The following ZNF43 variants were observed in gnomAD, a reference collection of about 807,000 sequenced individuals.
ZNF43 encodes zinc finger protein 43, also known as zinc finger protein 39-like 1 (KOX 27).
ZNF43 carries 44 observed loss-of-function variants against 68.4 expected under a neutral mutation model. That is an observed-to-expected ratio of 0.64 (90% CI 0.51 to 0.83). The LOEUF is 0.83. Ranked by LOEUF, ZNF43 falls within the 40% of genes least tolerant of loss-of-function variation. The probability of loss-of-function intolerance (pLI) is 0.00; values close to 1 mark genes in which losing one functional copy is unlikely to be tolerated. For synonymous variants in ZNF43, 308 were observed against 307.8 expected (o/e 1.00, Z -0.01); for missense variants, 896 against 933.2 (o/e 0.96, Z 0.52).
At chr19:21,831,074 C>T (rs779648007) in intron 1 of ZNF43, among the ~76,000 whole-genome samples, 4 of 152,128 alleles carry the variant, frequency 2.6e-5, no homozygotes, top group Admixed American at 6.5e-5. Context: ...AAACCCTCAA[C>T]GAACTAGGCA....
At position 21,809,048 on chromosome 19, in the gene ZNF43, G is replaced by GT; in HGVS notation, c.988dup (p.Thr330AsnfsTer2). The stretch of plus-strand genomic sequence containing the variant: ...TCCAGTATGAATTCTCTTATGTTTA[G>GT]TAAGAGTTGAGGGCCAGTTAAAGGC... On this transcript the variant is annotated frameshift_variant, in exon 4 of 4. Transcript: ENST00000354959. LOFTEE classifies it high-confidence loss of function. 1 of 1,613,216 alleles carries GT rather than the reference G, an allele frequency of 6.2e-7. No individual in the cohort carries two copies. Among genetic ancestry groups the GT allele is most frequent in the East Asian group, 2.2e-5 (1 of 44,846 alleles).
At chr19:21,831,311 T>C (rs2038413837) in intron 1 of ZNF43, among the ~76,000 whole-genome samples, 1 of 152,214 alleles carries the variant, frequency 6.6e-6, no homozygotes, top group African/African-American at 2.4e-5. Context: ...GGTAGCATGA[T>C]TCTACACCTA....
At chr19:21,812,039 A>AT (rs760238926) in intron 3 of ZNF43, 2 of 398,504 alleles carry the variant, frequency 5.0e-6, no homozygotes, top group Non-Finnish European at 8.9e-6. Flanking sequence ...AAAACATTCA[A>AT]TAGAGAGACA....
intron 3 of ZNF43, among the ~76,000 whole-genome samples, chr19:21,813,680 A>G (rs1412558958): frequency 2.6e-5 from 4 of 152,176 alleles, no homozygotes; most frequent in Non-Finnish European, 5.9e-5. Flanking sequence ...AGCACTTGTT[A>G]CTTAATGTGT....
At chr19:21,824,945 A>T (rs1002094222) in intron 1 of ZNF43, among the ~76,000 whole-genome samples, 3 of 152,158 alleles carry the variant, frequency 2.0e-5, no homozygotes, top group African/African-American at 7.2e-5. Flanking sequence ...GTTGTTTGTC[A>T]GCCACTTAGG....
At chr19:21,835,532 AT>A (rs1162505042) in intron 1 of ZNF43, among the ~76,000 whole-genome samples, 1 of 151,092 alleles carries the variant, frequency 6.6e-6, no homozygotes, top group Non-Finnish European at 1.5e-5. Flanking sequence ...TAATTTTTGT[AT>A]TTTTAGTATA....
chr19:21,847,755 A>G (rs1968061836), intron 1 of ZNF43, among the ~76,000 whole-genome samples: 1 of 152,194 alleles, frequency 6.6e-6, no homozygotes. Flanking sequence ...GTTACATCAC[A>G]AAGCTCCATG....
At chr19:21,811,724 G>T (rs1403414865) in intron 3 of ZNF43, among the ~76,000 whole-genome samples, 1 of 152,010 alleles carries the variant, frequency 6.6e-6, no homozygotes, top group East Asian at 1.9e-4. Flanking sequence ...ATGATCAAAT[G>T]AACTTCTACA....
chr19:21,819,919 C>A (rs752606871), intron 1 of ZNF43, among the ~76,000 whole-genome samples: 1 of 151,998 alleles, frequency 6.6e-6, no homozygotes, highest in Admixed American at 6.6e-5. Flanking sequence ...AATAATATGG[C>A]CGGGCATGGT....
At position 21,809,284 on chromosome 19, in the gene ZNF43, AT is replaced by A. The variant is rs753886536; in HGVS notation, c.752del (p.Asn251IlefsTer28). ...ATTTGTAGAGTTTGTATCTAGTATA[AT>A]TTTTTTTATGTGTAGTAAGGCGTGA... The part of the protein sequence containing the change: ...WSSRLTTHKK[N>X]YTRYKLYKCE... On this transcript the variant is annotated frameshift_variant, in exon 4 of 4. Transcript: ENST00000354959. LOFTEE classifies it high-confidence loss of function. 1.2e-6 allele frequency: 2 copies of A among 1,612,408 alleles called. No individual in the cohort carries two copies. The highest frequency in any genetic ancestry group is 1.7e-5 in the Admixed American group (1 of 59,818).
chr19:21,830,277 AT>A (rs1226654433), intron 1 of ZNF43, among the ~76,000 whole-genome samples: 8 of 124,250 alleles, frequency 6.4e-5, no homozygotes, highest in African/African-American at 3.4e-4. Flanking sequence ...CAAAAACAAA[AT>A]GAAAAAAAAA....
chr19:21,812,246 C>A (rs1487531094), intron 3 of ZNF43, among the ~76,000 whole-genome samples: 2 of 152,180 alleles, frequency 1.3e-5, no homozygotes, highest in Non-Finnish European at 2.9e-5. Flanking sequence ...CCTGTCTCGG[C>A]CTCCCGAGTA....
Position 21,836,025 on chromosome 19 carries a change from G to T in ZNF43, c.3+11C>A. The T allele has an allele frequency of 6.2e-7, 1 of 1,613,942 alleles. No homozygotes were observed. The highest frequency in any genetic ancestry group is 8.5e-7 in the Non-Finnish European group (1 of 1,179,838). On this transcript the variant is annotated intron_variant, in intron 1 of 3. Transcript: ENST00000354959. ...CTTCCCCCTCTCGGGATGTCGGACC[G>T]GCACTCTCACCATTTCTAGGCTTCC...
chr19:21,848,270 A>G (rs1000606211), intron 1 of ZNF43, among the ~76,000 whole-genome samples: 4 of 151,980 alleles, frequency 2.6e-5, no homozygotes, highest in Non-Finnish European at 4.4e-5. Flanking sequence ...CAGCCTCCCA[A>G]GTAGCTGGGA....
At chr19:21,836,206 G>A, upstream of ZNF43, 1 of 1,502,634 alleles carries the variant, frequency 6.7e-7, no homozygotes, top group South Asian at 1.3e-5. Context: ...CATCCCGGAA[G>A]CCGCCCTGTC....
intron 3 of ZNF43, chr19:21,812,178 G>C: frequency 2.8e-6 from 1 of 361,514 alleles, no homozygotes; most frequent in East Asian, 3.8e-5. Context: ...CCATGCTGGA[G>C]TGCAGCGGGG....
chr19:21,849,124 C>T (rs1193040217), intron 1 of ZNF43, among the ~76,000 whole-genome samples: 2 of 152,150 alleles, frequency 1.3e-5, no homozygotes, highest in Admixed American at 6.5e-5. Context: ...AGAAGAAACA[C>T]AATCTCACCT....
rs764964833 is a variant in ZNF43 at position 21,808,592 on chromosome 19, T to C, written c.1445A>G (p.Tyr482Cys). Residue 482 changes from tyrosine to cysteine, a missense_variant, in exon 4 of 4, where the codon TAC becomes TGC. By Grantham distance (194) the Tyr-to-Cys change is radical. Coordinates refer to ENST00000354959, the MANE Select transcript of ZNF43 (RefSeq NM_003423.4). Reference sequence around the variant, plus strand: ...AGCTTTGCCACATTCTTCACATTTGTACGGTTTTTCTGCAGTATGAATTCT... The same window carrying C: ...AGCTTTGCCACATTCTTCACATTTGCACGGTTTTTCTGCAGTATGAATTCT... ...HKRIHTAEKPYKCEECGKAFS... is the reference protein window; with the variant it reads ...HKRIHTAEKPCKCEECGKAFS... 5.6e-6 allele frequency: 9 copies of C among 1,613,690 alleles called. No homozygotes were observed. Among genetic ancestry groups the C allele is most frequent in the African/African-American group, 1.3e-5 (1 of 74,996 alleles).
chr19:21,837,774 G>A (rs1599532842), upstream of ZNF43: 1 of 152,314 alleles, frequency 6.6e-6, no homozygotes, highest in East Asian at 1.9e-4. Context: ...ACAGGTGTGA[G>A]CCACCATGCC....
Sources: allele counts gnomAD v4.1 joint callset (sites outside exome capture counted in the v4.1 genomes callset), GRCh38; gene constraint gnomAD v4.1.1; transcripts MANE v1.5; gene names NCBI Gene and HGNC (gene_info 2026-07-23, HGNC 2026-07-21).